Variants in CCSER1 observed in about 807,000 individuals in gnomAD.
CCSER1 encodes the protein serine-rich coiled-coil domain-containing protein 1.
A neutral mutation model predicts 82.0 loss-of-function variants in CCSER1; 41 were observed. The observed-to-expected ratio is 0.50, with a 90% CI of 0.39 to 0.65. The LOEUF (loss-of-function observed/expected upper bound fraction) is 0.65. Among genes scored for constraint, CCSER1 ranks in the 30% least tolerant of loss-of-function variants. CCSER1 has a pLI of 0.00. For synonymous variants in CCSER1, 414 were observed against 383.9 expected (o/e 1.08, Z -0.92); for missense variants, 1,119 against 1,064.2 (o/e 1.05, Z -0.72).
At position 90,526,669 on chromosome 4, in the gene CCSER1, A is replaced by G. The variant is rs766928637; in HGVS notation, c.1724+58315A>G. Among the ~76,000 whole-genome samples the G allele has an allele frequency of 4.6e-5, 7 of 152,168 alleles. No homozygotes were observed. The East Asian group carries it at 7.7e-4, about 17-fold the overall frequency. On this transcript the variant is annotated intron_variant, in intron 5 of 10. Transcript: ENST00000509176. The stretch of plus-strand genomic sequence containing the variant: ...AGTTCGCTGAGAATGATGGTTTCCA[A>G]TTTCATCTGTGTCCCTTCAAAAGAC...
chr4:91,583,779 G>A (rs2110321140), intron 10 of CCSER1, among the ~76,000 whole-genome samples: 1 of 151,546 alleles, frequency 6.6e-6, no homozygotes, highest in Non-Finnish European at 1.5e-5. Context: ...TGTCTCCTGT[G>A]AGATAGAAGA....
chr4:90,339,394 T>C (rs1561055931), intron 3 of CCSER1, among the ~76,000 whole-genome samples: 1 of 152,300 alleles, frequency 6.6e-6, no homozygotes, highest in East Asian at 1.9e-4. Flanking sequence ...AGCTGCTCAA[T>C]TGATCCTTTT....
chr4:90,597,655 T>A (rs920386125), intron 5 of CCSER1, among the ~76,000 whole-genome samples: 1 of 152,130 alleles, frequency 6.6e-6, no homozygotes, highest in African/African-American at 2.4e-5. Flanking sequence ...GGTATACTTA[T>A]GTTTTTGTAA....
intron 5 of CCSER1, among the ~76,000 whole-genome samples, chr4:90,486,644 A>G (rs1767101773): frequency 6.6e-6 from 1 of 152,194 alleles, no homozygotes; most frequent in Admixed American, 6.5e-5. Context: ...TGAGTCAGTT[A>G]TGGACAAAGA....
intron 8 of CCSER1, chr4:90,918,324 G>A (rs1727824541): frequency 2.3e-6 from 1 of 443,734 alleles, no homozygotes; most frequent in African/African-American, 2.0e-5. Context: ...CAACTTTTAT[G>A]TAGGTAATTC....
At chr4:91,115,130 T>C (rs1341476643) in intron 10 of CCSER1, among the ~76,000 whole-genome samples, 1 of 152,162 alleles carries the variant, frequency 6.6e-6, no homozygotes, top group African/African-American at 2.4e-5. Flanking sequence ...GAAGGGCCAA[T>C]TGAATAATAA....
At chr4:90,968,305 T>C (rs73834712) in intron 9 of CCSER1, among the ~76,000 whole-genome samples, 4,304 of 152,192 alleles carry the variant, frequency 0.028, 226 homozygotes, top group African/African-American at 0.097. Context: ...CTTATGAAGC[T>C]TGTGATATGC....
intron 9 of CCSER1, among the ~76,000 whole-genome samples, chr4:91,036,142 A>T (rs1741413410): frequency 6.6e-6 from 1 of 152,190 alleles, no homozygotes; most frequent in Non-Finnish European, 1.5e-5. Flanking sequence ...AGAGATGCTA[A>T]AAGTGCTACA....
At chr4:90,963,032 A>G (rs1734198028) in intron 9 of CCSER1, among the ~76,000 whole-genome samples, 1 of 152,184 alleles carries the variant, frequency 6.6e-6, no homozygotes, top group Non-Finnish European at 1.5e-5. Flanking sequence ...ATTCTTTAGT[A>G]AAATAAATCA....
intron 10 of CCSER1, among the ~76,000 whole-genome samples, chr4:91,446,676 A>AATATATAT (rs70965498): frequency 1.4e-5 from 2 of 142,534 alleles, no homozygotes; most frequent in African/African-American, 2.5e-5. Flanking sequence ...TAAATAAATA[A>AATATATAT]ATATATATAT....
Position 90,199,507 on chromosome 4 carries a change from C to T in CCSER1, c.-42+71676C>T, listed in dbSNP as rs1737243856. Among the ~76,000 whole-genome samples, 2 of 151,872 alleles carry T rather than the reference C, an allele frequency of 1.3e-5. 1 individual carries two copies. The highest frequency in any genetic ancestry group is 1.3e-4 in the Admixed American group (2 of 15,228). On this transcript the variant is annotated intron_variant, in intron 1 of 10. Coordinates refer to ENST00000509176, the MANE Select transcript of CCSER1 (RefSeq NM_001145065.2). ...ATTTGTTAACATGAAACAATTTTTC[C>T]AACTCTGTAATAAAACAAATTATTG... is the stretch of plus-strand genomic sequence containing the variant.
intron 5 of CCSER1, among the ~76,000 whole-genome samples, chr4:90,530,926 T>C (rs1041916755): frequency 3.3e-5 from 5 of 152,214 alleles, no homozygotes; most frequent in African/African-American, 1.2e-4. Flanking sequence ...AACTTGCTCC[T>C]TATCAGAAGA....
chr4:90,711,447 G>C (rs1323307753), intron 6 of CCSER1, among the ~76,000 whole-genome samples: 1 of 152,042 alleles, frequency 6.6e-6, no homozygotes, highest in Non-Finnish European at 1.5e-5. Context: ...TGCCCATTTA[G>C]TATGATATTG....
At chr4:90,508,453 C>T (rs1011508858) in intron 5 of CCSER1, among the ~76,000 whole-genome samples, 2 of 151,888 alleles carry the variant, frequency 1.3e-5, no homozygotes, top group Non-Finnish European at 2.9e-5. Flanking sequence ...GAGGTTTCTT[C>T]CCCGCTACAT....
chr4:90,712,230 A>T (rs1049721687), intron 6 of CCSER1, among the ~76,000 whole-genome samples: 1 of 151,754 alleles, frequency 6.6e-6, no homozygotes, highest in African/African-American at 2.4e-5. Context: ...TTTACTTGTG[A>T]TATTAGGTTT....
At chr4:91,277,226 T>A (rs1294439146) in intron 10 of CCSER1, among the ~76,000 whole-genome samples, 1 of 152,026 alleles carries the variant, frequency 6.6e-6, no homozygotes, top group South Asian at 2.1e-4. Flanking sequence ...AGAATTGGTA[T>A]AAGTTCTTAG....
chr4:91,187,843 G>A (rs1300219178), intron 10 of CCSER1, among the ~76,000 whole-genome samples: 13 of 152,184 alleles, frequency 8.5e-5, no homozygotes, highest in African/African-American at 2.9e-4. Context: ...GTGAGTCACC[G>A]TGCCCAGCTG....
At chr4:91,579,312 C>G (rs1763614953) in intron 10 of CCSER1, among the ~76,000 whole-genome samples, 1 of 151,366 alleles carries the variant, frequency 6.6e-6, no homozygotes, top group Non-Finnish European at 1.5e-5. Context: ...GGGGATAGGA[C>G]TCCTAGTGTA....
chr4:91,253,531 G>C (rs535618382), intron 10 of CCSER1, among the ~76,000 whole-genome samples: 10 of 152,090 alleles, frequency 6.6e-5, no homozygotes, highest in Non-Finnish European at 1.5e-4. Flanking sequence ...AGATACTTAT[G>C]AAAGTCAAAG....
Sources: gnomAD v4.1 joint callset for allele counts (sites outside exome capture counted in the v4.1 genomes callset) on GRCh38, gnomAD v4.1.1 for gene constraint, MANE v1.5 for transcripts, NCBI Gene and HGNC (gene_info 2026-07-23, HGNC 2026-07-21) for gene names.